Variants in CCDC85A observed in about 807,000 individuals in gnomAD.
CCDC85A encodes the protein coiled-coil domain-containing protein 85A.
CCDC85A carries 38 observed loss-of-function variants against 50.2 expected under a neutral mutation model. The ratio of observed to expected loss-of-function variants is 0.76; its 90% CI spans 0.58 to 0.99. The LOEUF (loss-of-function observed/expected upper bound fraction) is 0.99, where lower values mean the gene tolerates loss of function less well. Ranked by LOEUF, CCDC85A falls within the 50% of genes least tolerant of loss-of-function variation. CCDC85A has a pLI of 0.00. For missense variants in CCDC85A, 820 were observed against 742.0 expected (o/e 1.11, Z -1.22); for synonymous variants, 366 against 301.4 (o/e 1.21, Z -2.22).
intron 2 of CCDC85A, among the ~76,000 whole-genome samples, chr2:56,224,850 T>A (rs1668476505): frequency 6.6e-6 from 1 of 152,148 alleles, no homozygotes; most frequent in Non-Finnish European, 1.5e-5. Context: ...AAGTCCCTTA[T>A]CAGATATATG....
chr2:56,252,975 C>T (rs531891992), intron 2 of CCDC85A, among the ~76,000 whole-genome samples: 71 of 151,892 alleles, frequency 4.7e-4, no homozygotes, highest in African/African-American at 1.5e-3. Context: ...GCCAAGATCG[C>T]GCCACTGCAC....
At chr2:56,326,171 C>T (rs959149615) in intron 2 of CCDC85A, among the ~76,000 whole-genome samples, 7 of 152,054 alleles carry the variant, frequency 4.6e-5, no homozygotes, top group East Asian at 3.9e-4. Flanking sequence ...GCTGGGCACA[C>T]CTCAGGTTAA....
chr2:56,198,930 A>G (rs1462937401), intron 2 of CCDC85A, among the ~76,000 whole-genome samples: 3 of 152,216 alleles, frequency 2.0e-5, no homozygotes, highest in Non-Finnish European at 4.4e-5. Context: ...ATCCTGTCAC[A>G]TAAGCTAGTT....
chr2:56,208,013 T>C (rs1381718938), intron 2 of CCDC85A, among the ~76,000 whole-genome samples: 2 of 152,152 alleles, frequency 1.3e-5, no homozygotes, highest in African/African-American at 4.8e-5. Flanking sequence ...TCAAAAACGG[T>C]GAGTTCAAGT....
intron 2 of CCDC85A, among the ~76,000 whole-genome samples, chr2:56,281,199 T>C (rs1671192243): frequency 6.6e-6 from 1 of 152,200 alleles, no homozygotes; most frequent in Admixed American, 6.5e-5. Flanking sequence ...CAGTATTTAC[T>C]TGTGTATCTG....
At chr2:56,275,101 G>A (rs1670867658) in intron 2 of CCDC85A, among the ~76,000 whole-genome samples, 1 of 152,032 alleles carries the variant, frequency 6.6e-6, no homozygotes, top group Admixed American at 6.6e-5. Context: ...GGTTTCAACC[G>A]ATGACTTTTT....
At chr2:56,266,588 C>G (rs1283196680) in intron 2 of CCDC85A, among the ~76,000 whole-genome samples, 7 of 134,604 alleles carry the variant, frequency 5.2e-5, no homozygotes, top group Non-Finnish European at 1.1e-4. Context: ...GCCCCCCCCC[C>G]CCATAATCTT....
chr2:56,189,929 T>C (rs562630307), intron 1 of CCDC85A, among the ~76,000 whole-genome samples: 2 of 152,192 alleles, frequency 1.3e-5, no homozygotes, highest in South Asian at 4.2e-4. Context: ...AAACAGAAAG[T>C]GGCAACGAGA....
intron 2 of CCDC85A, among the ~76,000 whole-genome samples, chr2:56,314,910 A>G (rs569274398): frequency 1.3e-5 from 2 of 152,214 alleles, no homozygotes; most frequent in East Asian, 3.9e-4. Context: ...TTCCCAGATC[A>G]TCACTTAGAG....
chr2:56,272,538 A>C (rs1424813001), intron 2 of CCDC85A, among the ~76,000 whole-genome samples: 1 of 152,168 alleles, frequency 6.6e-6, no homozygotes, highest in Non-Finnish European at 1.5e-5. Flanking sequence ...TTATAGAATA[A>C]CTGAAGTTTG....
intron 2 of CCDC85A, among the ~76,000 whole-genome samples, chr2:56,243,346 C>T (rs7591392): frequency 0.2 from 29,573 of 151,422 alleles, 3,024 homozygotes; most frequent in East Asian, 0.28. Context: ...TTTTCTCTTC[C>T]GTGTGTTTTC....
chr2:56,199,295 A>G (rs972736565), intron 2 of CCDC85A, among the ~76,000 whole-genome samples: 52 of 152,240 alleles, frequency 3.4e-4, no homozygotes, highest in Admixed American at 3.9e-4. Flanking sequence ...GTTAAGTTGT[A>G]GTAATGATAG....
chr2:56,193,814 C>G (rs1676421729), intron 2 of CCDC85A, among the ~76,000 whole-genome samples: 1 of 152,068 alleles, frequency 6.6e-6, no homozygotes. Context: ...CTGTTTCCTA[C>G]CAGAGCTTGT....
intron 2 of CCDC85A, among the ~76,000 whole-genome samples, chr2:56,261,146 A>T (rs1670200227): frequency 6.6e-6 from 1 of 152,204 alleles, no homozygotes; most frequent in Non-Finnish European, 1.5e-5. Flanking sequence ...CAACTTTCTC[A>T]TCTCTTAAGT....
chr2:56,251,340 G>A (rs188566018), intron 2 of CCDC85A, among the ~76,000 whole-genome samples: 308 of 152,206 alleles, frequency 2.0e-3, no homozygotes, highest in Admixed American at 4.8e-3. Context: ...TGAAAATGTT[G>A]GGCCCATATG....
At chr2:56,243,706 C>T (rs1349173204) in intron 2 of CCDC85A, among the ~76,000 whole-genome samples, 1 of 152,154 alleles carries the variant, frequency 6.6e-6, no homozygotes, top group African/African-American at 2.4e-5. Context: ...AGATGTTCGA[C>T]ATCTGGGCAT....
intron 2 of CCDC85A, among the ~76,000 whole-genome samples, chr2:56,198,625 T>C (rs1448485335): frequency 1.3e-5 from 2 of 152,168 alleles, no homozygotes; most frequent in African/African-American, 4.8e-5. Context: ...TTTAAGAAAA[T>C]TGCAATATAT....
intron 2 of CCDC85A, among the ~76,000 whole-genome samples, chr2:56,269,028 T>A (rs557588403): frequency 6.6e-6 from 1 of 152,266 alleles, no homozygotes; most frequent in Non-Finnish European, 1.5e-5. Context: ...CATAGACTAG[T>A]TTTTGGCTCT....
chr2:56,231,595 G>T (rs56207598), intron 2 of CCDC85A, among the ~76,000 whole-genome samples: 3,688 of 152,164 alleles, frequency 0.024, 64 homozygotes, highest in South Asian at 0.047. Flanking sequence ...AAAGAACTTA[G>T]CCTTGGCAGT....
Sources: allele counts gnomAD v4.1 joint callset (sites outside exome capture counted in the v4.1 genomes callset), GRCh38; gene constraint gnomAD v4.1.1; transcripts MANE v1.5; gene names NCBI Gene and HGNC (gene_info 2026-07-23, HGNC 2026-07-21).